Variants in RRP36 observed in about 807,000 individuals in gnomAD.
The protein encoded by RRP36 is ribosomal RNA processing 36, also known as ribosomal RNA processing protein 36 homolog.
In RRP36, 44 loss-of-function variants were observed where a neutral mutation model predicts 39.8. That is an observed-to-expected ratio of 1.10 (90% confidence interval 0.87 to 1.42). The LOEUF is 1.42. Among genes scored for constraint, RRP36 ranks in the 40% most tolerant of loss-of-function variants. The pLI, the probability that RRP36 is intolerant of heterozygous loss-of-function variation, is 0.00. For missense variants in RRP36, 316 were observed against 322.4 expected, an observed-to-expected ratio of 0.98 and a Z score of 0.15; for synonymous variants, 124 against 123.1, an observed-to-expected ratio of 1.01 and a Z score of -0.05.
In RRP36 at chr6:43,025,348, C is replaced by T; in HGVS notation, c.345+19C>T. 3 of 1,610,450 alleles carry T rather than the reference C, an allele frequency of 1.9e-6. No individual in the cohort carries two copies. Among genetic ancestry groups the T allele is most frequent in the Non-Finnish European group, 2.5e-6 (3 of 1,178,302 alleles). Reference sequence around the variant, plus strand: ...TAAAAAGGTAAGGAAGAAGGCCAGGCACTGTGGCTCACGCCTGTAATCCCA... The same window carrying T: ...TAAAAAGGTAAGGAAGAAGGCCAGGTACTGTGGCTCACGCCTGTAATCCCA... On this transcript the variant is annotated intron_variant, in intron 3 of 6. Coordinates refer to ENST00000244496, the MANE Select transcript of RRP36 (RefSeq NM_033112.4).
intron 1 of RRP36, among the ~76,000 whole-genome samples, chr6:43,022,006 A>G (rs184117473): frequency 2.7e-4 from 41 of 152,268 alleles, no homozygotes; most frequent in Admixed American, 1.3e-3. Flanking sequence ...GTTTTCGGCG[A>G]TGGGGAACGT....
At chr6:43,026,253 C>T (rs971909718) in intron 4 of RRP36, 112 bp downstream of exon 4, 1 of 621,866 alleles carries the variant, frequency 1.6e-6, no homozygotes, top group African/African-American at 1.8e-5. Context: ...AGATTTAACT[C>T]TCTCCAATTC....
rs1762715297 is a variant in RRP36 at position 43,021,702 on chromosome 6, C to A, written c.48C>A (p.Ala16=). 8.4e-7 allele frequency: 1 copy of A among 1,194,166 alleles called. No individual in the cohort carries two copies. The highest frequency in any genetic ancestry group is 5.7e-5 in the Admixed American group (1 of 17,570). 74.0% of individuals were successfully genotyped at this position (1,194,166 alleles called of 1,614,324 possible). ...CCGGGGCCGGGGCCGGGGCCGGGGC[C>A]CGACGTCCCCGCGGGGCCCGGGACC... ...YRAGAGAGAG[A]RRPRGARDRE... Residue 16 remains alanine, a synonymous_variant, in exon 1 of 7, where the codon GCC becomes GCA. Coordinates refer to ENST00000244496, the MANE Select transcript of RRP36 (RefSeq NM_033112.4).
intron 2 of RRP36, 34 bp downstream of exon 2, chr6:43,025,166 AC>A: frequency 6.2e-7 from 1 of 1,613,580 alleles, no homozygotes; most frequent in Non-Finnish European, 8.5e-7. Context: ...TTGGAAGATA[AC>A]TGGGACCTTG....
intron 1 of RRP36, among the ~76,000 whole-genome samples, chr6:43,022,632 C>CTTTTT (rs34268212): frequency 1.9e-5 from 2 of 107,090 alleles, no homozygotes; most frequent in African/African-American, 8.4e-5. Context: ...AAGGTCTCAC[C>CTTTTT]TTTTTTTTTT....
intron 6 of RRP36, among the ~76,000 whole-genome samples, chr6:43,028,676 C>T (rs1762860422): frequency 6.6e-6 from 1 of 151,140 alleles, no homozygotes; most frequent in South Asian, 2.1e-4. Flanking sequence ...GTTGGCCAGG[C>T]GCAGTGGCTC....
intron 3 of RRP36, 139 bp downstream of exon 3, chr6:43,025,468 C>T: frequency 1.5e-6 from 1 of 676,378 alleles, no homozygotes; most frequent in Non-Finnish European, 2.5e-6. Flanking sequence ...ACTAAAAATA[C>T]AAAAATTAGC....
intron 4 of RRP36, 28 bp downstream of exon 4, chr6:43,026,169 G>A (rs1189618710): frequency 6.5e-7 from 1 of 1,544,416 alleles, no homozygotes; most frequent in Non-Finnish European, 8.9e-7. Context: ...GGTTTATGGG[G>A]AATTTTGTGG....
At position 43,021,683 on chromosome 6, in the gene RRP36, C is replaced by T; in HGVS notation, c.29C>T (p.Ala10Val). Residue 10 changes from alanine to valine, a missense_variant, in exon 1 of 7, where the codon GCC becomes GTC. Transcript: ENST00000244496. The stretch of plus-strand genomic sequence containing the variant: ...CCGGGAGCTAACTACCGCGCCGGGG[C>T]CGGGGCCGGGGCCGGGGCCCGACGT... MPGANYRAG[A>V]GAGAGARRPR... 8.1e-7 allele frequency: 1 copy of T among 1,235,454 alleles called. No homozygotes were observed. Among genetic ancestry groups the T allele is most frequent in the South Asian group, 3.9e-5 (1 of 25,792 alleles). The allele number at this position is 1,235,454 out of a possible 1,614,324, so 76.5% of individuals were successfully genotyped here.
At chr6:43,025,948 A>AG in intron 3 of RRP36, 89 bp from the exon 4 acceptor site, 1 of 972,700 alleles carries the variant, frequency 1.0e-6, no homozygotes, top group Non-Finnish European at 1.6e-6. Context: ...GCAAAAAAAA[A>AG]GAAAGATGAG....
intron 1 of RRP36, among the ~76,000 whole-genome samples, chr6:43,023,564 G>T (rs1762763998): frequency 7.0e-6 from 1 of 142,420 alleles, no homozygotes; most frequent in South Asian, 2.3e-4. Flanking sequence ...TTGGTGGTGC[G>T]TGCCTTAGTC....
In RRP36 at chr6:43,025,261, AG is replaced by A. The variant is rs1347763618; in HGVS notation, c.279del. ...TTGACTTGGCTTTTAATTTCTCCAT[AG>A]GCCTCTGGAAATGTCAGCCAAGATC... On this transcript the variant is annotated splice_acceptor_variant, in intron 2 of 6. Coordinates refer to ENST00000244496, the MANE Select transcript of RRP36 (RefSeq NM_033112.4). LOFTEE classifies it high-confidence loss of function. The A allele has an allele frequency of 2.5e-6, 4 of 1,614,038 alleles. No individual in the cohort carries two copies. The highest frequency in any genetic ancestry group is 3.4e-6 in the Non-Finnish European group (4 of 1,180,028).
chr6:43,025,457 T>C, intron 3 of RRP36, 128 bp downstream of exon 3: 1 of 742,334 alleles, frequency 1.3e-6, no homozygotes, highest in Non-Finnish European at 2.2e-6. Context: ...ACCCTGTCTC[T>C]ACTAAAAATA....
intron 6 of RRP36, among the ~76,000 whole-genome samples, chr6:43,028,836 C>T (rs888217193): frequency 6.6e-6 from 1 of 151,730 alleles, no homozygotes; most frequent in Non-Finnish European, 1.5e-5. Flanking sequence ...GCCTGTAATC[C>T]CAGCTACTCC....
chr6:43,029,535 G>A lies in RRP36; in HGVS notation c.*307G>A, dbSNP rs1360279765. ...GGGGCCAATGAAAACCATGGAGTCT[G>A]TTCGTGACTCCCAGGGCTGGGACAT... On this transcript the variant is annotated 3_prime_UTR_variant, in exon 7 of 7. Transcript: ENST00000244496. 3 of 274,040 alleles carry A rather than the reference G, an allele frequency of 1.1e-5. No homozygotes were observed. Among genetic ancestry groups the A allele is most frequent in the African/African-American group, 2.2e-5 (1 of 45,780 alleles). 17.0% of individuals were successfully genotyped at this position (274,040 alleles called of 1,614,324 possible). A position where few individuals can be genotyped will look rare whatever the true frequency, so the allele number is the denominator to read the frequency against.
At position 43,027,387 on chromosome 6, in the gene RRP36, C is replaced by T. The variant is rs575586322; in HGVS notation, c.553C>T (p.Arg185Ter). ...GCAGCAAGAAATGGCACAGCAGGAA[C>T]GAAAGCAACAGCAGGAGCTGCACCT... ...MEQQEMAQQE[R>*]KQQQELHLAL... is the part of the protein sequence containing the mutation. Residue 185 changes from arginine (R) to a stop codon, truncating the protein, a stop_gained, in exon 6 of 7, where the codon CGA becomes TGA. Transcript: ENST00000244496. LOFTEE classifies it high-confidence loss of function. 27 of 1,614,206 alleles carry T rather than the reference C, an allele frequency of 1.7e-5. No homozygotes were observed. The highest frequency in any genetic ancestry group is 2.7e-5 in the African/African-American group (2 of 75,050).
Position 43,027,456 on chromosome 6 carries a change from C to T in RRP36, c.622C>T (p.Arg208Trp), listed in dbSNP as rs773848628. The T allele has an allele frequency of 1.4e-5, 22 of 1,613,652 alleles. No individual in the cohort carries two copies. The highest frequency in any genetic ancestry group is 6.7e-5 in the East Asian group (3 of 44,896). ...ERRAQAQQGHRPYFLKKSEQR... is the reference protein window; with the variant it reads ...ERRAQAQQGHWPYFLKKSEQR... ...TCGGGCTCAGGCCCAGCAGGGCCAT[C>T]GGCCATACTTCCTGAAAAAATGTGA... The change falls in exon 6 of 7, where the codon CGG becomes TGG. Residue 208 changes from arginine (R) to tryptophan (W), a missense_variant. Arg to Trp is a moderately radical substitution (Grantham distance 101). Coordinates refer to ENST00000244496, the MANE Select transcript of RRP36 (RefSeq NM_033112.4).
At chr6:43,022,504 C>G (rs551141678) in intron 1 of RRP36, among the ~76,000 whole-genome samples, 1 of 152,132 alleles carries the variant, frequency 6.6e-6, no homozygotes, top group South Asian at 2.1e-4. Context: ...GCCTCGAACT[C>G]CCGGGCCCAA....
intron 1 of RRP36, among the ~76,000 whole-genome samples, chr6:43,022,253 C>T (rs1762730860): frequency 6.6e-6 from 1 of 151,922 alleles, no homozygotes; most frequent in Non-Finnish European, 1.5e-5. Flanking sequence ...CGCCCGCCAC[C>T]ACGCCCGGCT....
Sources: gnomAD v4.1 joint callset for allele counts (sites outside exome capture counted in the v4.1 genomes callset) on GRCh38, gnomAD v4.1.1 for gene constraint, MANE v1.5 for transcripts, NCBI Gene and HGNC (gene_info 2026-07-23, HGNC 2026-07-21) for gene names.